Variants in B4GALT5 observed in about 807,000 individuals in gnomAD.
B4GALT5 encodes the protein UDP-Gal:beta-GlcNAc beta-1,4-galactosyltransferase 5.
B4GALT5 carries 11 observed loss-of-function variants against 45.0 expected under a neutral mutation model. The ratio of observed to expected loss-of-function variants is 0.24; its 90% CI spans 0.15 to 0.40. The LOEUF is 0.40. Ranked by LOEUF, B4GALT5 falls within the 10% of genes least tolerant of loss-of-function variation. The probability of loss-of-function intolerance (pLI) is 1.00; values close to 1 mark genes in which losing one functional copy is unlikely to be tolerated. For synonymous variants in B4GALT5, 185 were observed against 182.9 expected, an observed-to-expected ratio of 1.01 and a Z score of -0.09; for missense variants, 337 against 500.2, an observed-to-expected ratio of 0.67 and a Z score of 3.11.
At chr20:49,703,569 T>TAAA (rs1473869423) in intron 1 of B4GALT5, among the ~76,000 whole-genome samples, 26 of 152,094 alleles carry the variant, frequency 1.7e-4, no homozygotes, top group Non-Finnish European at 1.5e-5. Context: ...CTAAAAAAGT[T>TAAA]AAAGCATTAA....
intron 1 of B4GALT5, among the ~76,000 whole-genome samples, chr20:49,691,559 A>G (rs965102851): frequency 1.3e-5 from 2 of 152,120 alleles, no homozygotes; most frequent in Non-Finnish European, 2.9e-5. Flanking sequence ...GTTCTTCTGC[A>G]GTATATGGTA....
At chr20:49,689,505 A>T (rs1274673527) in intron 1 of B4GALT5, among the ~76,000 whole-genome samples, 1 of 152,228 alleles carries the variant, frequency 6.6e-6, no homozygotes, top group Non-Finnish European at 1.5e-5. Context: ...GAAAAATTTC[A>T]AATATACAGC....
At chr20:49,648,908 A>AT (rs908440776) in intron 2 of B4GALT5, among the ~76,000 whole-genome samples, 2 of 152,078 alleles carry the variant, frequency 1.3e-5, no homozygotes, top group Non-Finnish European at 2.9e-5. Context: ...TATTGTTTTT[A>AT]TTTTTTTCAC....
rs1159734242 is a variant in B4GALT5 at position 49,635,567 on chromosome 20, T to C, written c.*745A>G. On this transcript the variant is annotated 3_prime_UTR_variant, in exon 9 of 9. Transcript: ENST00000371711. ...GACAGCAATTCGGGAGATGACATTC[T>C]TCAACTGCATTTTAACTGAGTTCCT... 1 of 152,494 alleles carries C rather than the reference T, an allele frequency of 6.6e-6. No homozygotes were observed. The highest frequency in any genetic ancestry group is 1.9e-4 in the East Asian group (1 of 5,196). 9.4% of individuals were successfully genotyped at this position (152,494 alleles called of 1,614,324 possible).
chr20:49,679,007 G>T (rs990375707), intron 1 of B4GALT5, among the ~76,000 whole-genome samples: 4 of 152,152 alleles, frequency 2.6e-5, no homozygotes, highest in Non-Finnish European at 4.4e-5. Context: ...AAAGGGGCTG[G>T]GGGTGGGGAG....
intron 1 of B4GALT5, among the ~76,000 whole-genome samples, chr20:49,704,508 A>G (rs1055542016): frequency 5.3e-5 from 8 of 152,012 alleles, no homozygotes; most frequent in Middle Eastern, 3.4e-3. Context: ...TCACGAGGTC[A>G]GGAGATCGAG....
intron 1 of B4GALT5, among the ~76,000 whole-genome samples, chr20:49,702,851 T>C (rs2085868066): frequency 6.9e-6 from 1 of 144,708 alleles, no homozygotes; most frequent in Non-Finnish European, 1.5e-5. Context: ...CGAGAGTCCA[T>C]CTCAAAAAAC....
intron 1 of B4GALT5, among the ~76,000 whole-genome samples, chr20:49,710,577 G>A (rs188199333): frequency 2.8e-4 from 43 of 151,742 alleles, no homozygotes; most frequent in African/African-American, 1.0e-3. Context: ...CTGCCACCAC[G>A]CCCGGCTAAT....
At chr20:49,690,303 G>A (rs371655578) in intron 1 of B4GALT5, among the ~76,000 whole-genome samples, 219 of 152,274 alleles carry the variant, frequency 1.4e-3, no homozygotes, top group African/African-American at 5.2e-3. Flanking sequence ...ATCATGCCTG[G>A]CCACAAGTGT....
chr20:49,687,019 C>A (rs2085788939), intron 1 of B4GALT5, among the ~76,000 whole-genome samples: 1 of 152,140 alleles, frequency 6.6e-6, no homozygotes, highest in African/African-American at 2.4e-5. Context: ...AAAACTATTC[C>A]CTTCCTTTAG....
intron 1 of B4GALT5, 83 bp downstream of exon 1, chr20:49,713,493 G>C (rs12329570): frequency 0.54 from 755,177 of 1,402,806 alleles, 207,629 homozygotes; most frequent in South Asian, 0.65. Context: ...CTCCCGGCCG[G>C]GGCCCCTTAG....
At chr20:49,644,270 G>A (rs894558089) in intron 3 of B4GALT5, among the ~76,000 whole-genome samples, 1 of 151,664 alleles carries the variant, frequency 6.6e-6, no homozygotes, top group Admixed American at 6.6e-5. Context: ...TTAATAAATA[G>A]AGACAGGGTC....
At chr20:49,690,562 G>A (rs555244033) in intron 1 of B4GALT5, among the ~76,000 whole-genome samples, 52 of 151,388 alleles carry the variant, frequency 3.4e-4, no homozygotes, top group Non-Finnish European at 6.9e-4. Context: ...AAAAAAAAAG[G>A]GGGGGGTGAC....
At chr20:49,659,083 A>C (rs947360415) in intron 1 of B4GALT5, among the ~76,000 whole-genome samples, 1 of 152,018 alleles carries the variant, frequency 6.6e-6, no homozygotes, top group African/African-American at 2.4e-5. Flanking sequence ...TTTATACCTC[A>C]CTCATCCATG....
intron 1 of B4GALT5, among the ~76,000 whole-genome samples, chr20:49,665,681 T>G (rs1255572224): frequency 6.7e-6 from 1 of 149,574 alleles, no homozygotes; most frequent in Non-Finnish European, 1.5e-5. Flanking sequence ...GTCCCTGCCA[T>G]CACCTTGCAA....
Position 49,699,201 on chromosome 20 carries a change from CT to C in B4GALT5, c.115+14374del, listed in dbSNP as rs767080225. Among the ~76,000 whole-genome samples, 114 of 152,104 alleles carry C rather than the reference CT, an allele frequency of 7.5e-4. 2 individuals carry two copies. Among genetic ancestry groups the C allele is most frequent in the Admixed American group, 3.8e-3 (58 of 15,286 alleles). Reference sequence around the variant, plus strand: ...GACAATGACAATCAGTACTGATTGCCTTATGTTTATCAACTTTTTCATCTAC... The same window carrying C: ...GACAATGACAATCAGTACTGATTGCCTATGTTTATCAACTTTTTCATCTAC... On this transcript the variant is annotated intron_variant, in intron 1 of 8. Coordinates refer to ENST00000371711, the MANE Select transcript of B4GALT5 (RefSeq NM_004776.4).
In B4GALT5 at chr20:49,710,418, T is replaced by TTG. The variant is rs893816324; in HGVS notation, c.115+3156_115+3157dup. Among the ~76,000 whole-genome samples the TTG allele has an allele frequency of 4.6e-4, 69 of 148,564 alleles. 1 individual carries two copies. Among genetic ancestry groups the TTG allele is most frequent in the African/African-American group, 1.3e-3 (54 of 40,558 alleles). ...TATTTTCTCTCTCTTTTTTTTTTTT[T>TTG]TGTGTGTGTGTGTGTGTATGAGACA... is the stretch of plus-strand genomic sequence containing the variant. On this transcript the variant is annotated intron_variant, in intron 1 of 8. Transcript: ENST00000371711.
At chr20:49,657,247 AG>A (rs1249453185) in intron 1 of B4GALT5, among the ~76,000 whole-genome samples, 3 of 152,198 alleles carry the variant, frequency 2.0e-5, no homozygotes, top group African/African-American at 7.2e-5. Flanking sequence ...GGAAAGAAAA[AG>A]GAGTAACGAA....
intron 5 of B4GALT5, 40 bp from the exon 6 acceptor site, chr20:49,640,705 G>A: frequency 6.5e-7 from 1 of 1,542,182 alleles, no homozygotes; most frequent in South Asian, 1.3e-5. Context: ...GAATCTTGAA[G>A]GAAAATCTTT....
Sources: allele counts gnomAD v4.1 joint callset (sites outside exome capture counted in the v4.1 genomes callset), GRCh38; gene constraint gnomAD v4.1.1; transcripts MANE v1.5; gene names NCBI Gene and HGNC (gene_info 2026-07-23, HGNC 2026-07-21).